Variants in RBFOX1 observed in about 807,000 individuals in gnomAD.
RBFOX1 encodes RNA binding fox-1 homolog 1, also known as RNA binding protein fox-1 homolog 1.
A neutral mutation model predicts 57.7 loss-of-function variants in RBFOX1; 8 were observed. The ratio of observed to expected loss-of-function variants is 0.14; its 90% CI spans 0.08 to 0.25. RBFOX1 has a LOEUF of 0.25. RBFOX1 is among the 10% of genes least tolerant of loss of function. The probability of loss-of-function intolerance (pLI) is 1.00; values close to 1 mark genes in which losing one functional copy is unlikely to be tolerated. For synonymous variants in RBFOX1, 326 were observed against 222.4 expected (o/e 1.47, Z -4.15); for missense variants, 611 against 548.5 (o/e 1.11, Z -1.14).
At chr16:5,942,700 C>A (rs960139189) in intron 4 of RBFOX1, among the ~76,000 whole-genome samples, 1 of 152,158 alleles carries the variant, frequency 6.6e-6, no homozygotes, top group African/African-American at 2.4e-5. Context: ...TTAGCTTGGC[C>A]TATACCCCCG....
At chr16:6,355,702 AT>A (rs1487885892) in intron 2 of RBFOX1, among the ~76,000 whole-genome samples, 1 of 152,208 alleles carries the variant, frequency 6.6e-6, no homozygotes, top group Non-Finnish European at 1.5e-5. Flanking sequence ...TACTTGAGGA[AT>A]CACCACACTG....
chr16:5,779,404 T>C (rs1374185627), intron 3 of RBFOX1, among the ~76,000 whole-genome samples: 1 of 152,248 alleles, frequency 6.6e-6, no homozygotes, highest in African/African-American at 2.4e-5. Flanking sequence ...GAGCTGTAGC[T>C]GGTGCTATAC....
At chr16:5,581,622 G>A (rs1322154528) in intron 2 of RBFOX1, among the ~76,000 whole-genome samples, 1 of 152,244 alleles carries the variant, frequency 6.6e-6, no homozygotes, top group African/African-American at 2.4e-5. Context: ...TCCTGGAGGA[G>A]GTGATGTCTG....
chr16:6,787,285 A>C (rs1267894184), intron 3 of RBFOX1, among the ~76,000 whole-genome samples: 1 of 152,198 alleles, frequency 6.6e-6, no homozygotes, highest in African/African-American at 2.4e-5. Context: ...CATAATCTTA[A>C]GAGCAAAAGC....
Position 6,839,425 on chromosome 16 carries a change from T to C in RBFOX1, c.-16+184775T>C, listed in dbSNP as rs572978381. ...GCTGTGGAAACATCGACAGACTCAA[T>C]AAACACCCTGAAATTTAACATGCTT... On this transcript the variant is annotated intron_variant, in intron 3 of 15. Transcript: ENST00000550418. Among the ~76,000 whole-genome samples the C allele has an allele frequency of 3.9e-4, 60 of 152,310 alleles. No homozygotes were observed. The Middle Eastern group carries it at 0.01, about 26-fold the overall frequency.
intron 2 of RBFOX1, among the ~76,000 whole-genome samples, chr16:6,414,971 G>A (rs753839262): frequency 3.3e-5 from 5 of 152,074 alleles, no homozygotes; most frequent in Admixed American, 6.6e-5. Flanking sequence ...GGCCAGGCAC[G>A]GTGGCTCACA....
chr16:7,565,712 TTCTC>T (rs1359252114), intron 5 of RBFOX1, among the ~76,000 whole-genome samples: 1 of 152,220 alleles, frequency 6.6e-6, no homozygotes, highest in Non-Finnish European at 1.5e-5. Flanking sequence ...TCAGAAGCTT[TTCTC>T]TCTGAGAAAT....
chr16:6,782,090 T>G lies in RBFOX1; in HGVS notation c.-16+127440T>G, dbSNP rs143641131. Among the ~76,000 whole-genome samples, 816 of 152,202 alleles carry G rather than the reference T, an allele frequency of 5.4e-3. 10 individuals carry two copies. The highest frequency in any genetic ancestry group is 0.019 in the African/African-American group (769 of 41,520). On this transcript the variant is annotated intron_variant, in intron 3 of 15. Transcript: ENST00000550418. ...GGTATGTTCTTGGCTCACTGCAACC[T>G]CCGCCTCCTGGGTTCACGTGATTCT...
At chr16:7,329,367 T>C (rs1039345722) in intron 4 of RBFOX1, among the ~76,000 whole-genome samples, 1 of 152,082 alleles carries the variant, frequency 6.6e-6, no homozygotes, top group African/African-American at 2.4e-5. Flanking sequence ...TACCACATAA[T>C]AGATGTTGAG....
intron 3 of RBFOX1, among the ~76,000 whole-genome samples, chr16:6,933,892 T>A (rs2076955126): frequency 6.6e-6 from 1 of 152,206 alleles, no homozygotes; most frequent in Admixed American, 6.5e-5. Context: ...AAAACAAAGT[T>A]ATTGAACAAC....
At chr16:6,263,288 T>C (rs900483763) in intron 1 of RBFOX1, among the ~76,000 whole-genome samples, 2 of 152,216 alleles carry the variant, frequency 1.3e-5, no homozygotes, top group African/African-American at 2.4e-5. Context: ...GGAATCATTC[T>C]AGCATAGAAT....
chr16:7,385,806 T>G (rs529228218), intron 4 of RBFOX1, among the ~76,000 whole-genome samples: 46 of 152,158 alleles, frequency 3.0e-4, no homozygotes, highest in African/African-American at 9.6e-4. Context: ...CAGGCTGGAG[T>G]GCAGTGGTGC....
In RBFOX1 at chr16:5,946,141, C is replaced by G. The variant is rs1443284509; in HGVS notation, c.351+78806C>G. Among the ~76,000 whole-genome samples, 2 of 152,198 alleles carry G rather than the reference C, an allele frequency of 1.3e-5. No homozygotes were observed. Among genetic ancestry groups the G allele is most frequent in the African/African-American group, 4.8e-5 (2 of 41,444 alleles). ...AAAAGATTTTGTTAATAGACCACCA[C>G]TCCTGTCCTAACATGGCAGGATGTG... On this transcript the variant is annotated intron_variant, in intron 4 of 19. Coordinates refer to the RBFOX1 transcript ENST00000641259. This position sits in a 1 kb window ranked among gnomAD's most constrained non-coding sequence, Gnocchi z 4.6.
chr16:6,139,424 G>A (rs2096695596), intron 1 of RBFOX1, among the ~76,000 whole-genome samples: 1 of 152,136 alleles, frequency 6.6e-6, no homozygotes, highest in Non-Finnish European at 1.5e-5. Flanking sequence ...GGAGACTTTT[G>A]ACCACCCGCT....
At chr16:5,334,651 A>G (rs933745174) in intron 1 of RBFOX1, among the ~76,000 whole-genome samples, 1 of 152,112 alleles carries the variant, frequency 6.6e-6, no homozygotes, top group Non-Finnish European at 1.5e-5. Context: ...TTGAACTTTT[A>G]GGATGTTCAC....
chr16:6,315,236 G>A (rs1055850136), intron 1 of RBFOX1, among the ~76,000 whole-genome samples: 5 of 152,226 alleles, frequency 3.3e-5, no homozygotes, highest in African/African-American at 2.4e-5. Context: ...AAGTTAGAAG[G>A]TAGTGAAGCC....
chr16:6,785,233 C>A (rs982234772), intron 3 of RBFOX1, among the ~76,000 whole-genome samples: 1 of 152,100 alleles, frequency 6.6e-6, no homozygotes, highest in African/African-American at 2.4e-5. Context: ...ATCTCCCAGT[C>A]CGTTCGTAAC....
Position 7,063,412 on chromosome 16 carries a change from C to T in RBFOX1, c.27+11314C>T, listed in dbSNP as rs7202937. ...TACGGGATCATCACATGTCTCTCTG[C>T]CAACTTCTTCCTTCTCAGAGTACCC... On this transcript the variant is annotated intron_variant, in intron 4 of 15. Coordinates refer to ENST00000550418, the MANE Select transcript of RBFOX1 (RefSeq NM_018723.4). Among the ~76,000 whole-genome samples the T allele has an allele frequency of 2.0e-5, 3 of 152,066 alleles. No individual in the cohort carries two copies. In the East Asian group the frequency reaches 5.8e-4, roughly 29 times the overall value.
intron 3 of RBFOX1, among the ~76,000 whole-genome samples, chr16:6,935,343 C>G (rs995272685): frequency 6.6e-6 from 1 of 152,086 alleles, no homozygotes; most frequent in African/African-American, 2.4e-5. Context: ...AAAGTAGAGC[C>G]TCATCTCCCT....
Sources: allele counts gnomAD v4.1 joint callset (sites outside exome capture counted in the v4.1 genomes callset), GRCh38; gene constraint gnomAD v4.1.1; non-coding constraint Gnocchi (gnomAD v3.1); transcripts MANE v1.5; gene names NCBI Gene and HGNC (gene_info 2026-07-23, HGNC 2026-07-21).